TMEM39B: variants seen among roughly 807,000 people sequenced by gnomAD.
The protein encoded by TMEM39B is transmembrane protein 39B.
Under a neutral mutation model 52.2 loss-of-function variants are expected in TMEM39B, and 23 were observed. That is an observed-to-expected ratio of 0.44 (90% CI 0.32 to 0.62). The LOEUF is 0.62. TMEM39B is among the 20% of genes least tolerant of loss of function. TMEM39B has a pLI of 0.06. For synonymous variants in TMEM39B, 285 were observed against 264.0 expected (o/e 1.08, Z -0.77); for missense variants, 547 against 642.0 (o/e 0.85, Z 1.60).
intron 6 of TMEM39B, among the ~76,000 whole-genome samples, chr1:32,093,034 C>G (rs1188663965): frequency 1.3e-5 from 2 of 152,214 alleles, no homozygotes; most frequent in Admixed American, 6.5e-5. Context: ...CTCTCTTTGT[C>G]CTAACCTCTC....
intron 6 of TMEM39B, 148 bp from the exon 7 acceptor site, chr1:32,094,636 G>A: frequency 1.1e-6 from 1 of 895,540 alleles, no homozygotes; most frequent in Non-Finnish European, 1.7e-6. Flanking sequence ...CCTAAGCCTT[G>A]TTTGTTGGGT....
Position 32,102,669 on chromosome 1 carries a change from C to T in TMEM39B, c.1475C>T (p.Ser492Phe), listed in dbSNP as rs200464245. 54 of 1,566,626 alleles carry T rather than the reference C, an allele frequency of 3.4e-5. No homozygotes were observed. In the East Asian group the frequency reaches 1.0e-3, roughly 29 times the overall value. Reference sequence around the variant, plus strand: ...CAGAGAGACCTGGACCACCGTTTCTCCTGAGCCCTGGGGTCACCTCAGGGA... The same window carrying T: ...CAGAGAGACCTGGACCACCGTTTCTTCTGAGCCCTGGGGTCACCTCAGGGA... ...SPQRDLDHRF[S>F] The change falls in exon 9 of 9, where the codon TCC (serine) becomes TTC (phenylalanine). Residue 492 changes from serine to phenylalanine, a missense_variant. Ser to Phe is a radical substitution (Grantham distance 155). Coordinates refer to ENST00000336294, the MANE Select transcript of TMEM39B (RefSeq NM_018056.4).
intron 5 of TMEM39B, among the ~76,000 whole-genome samples, chr1:32,088,468 T>C (rs1159186196): frequency 1.3e-5 from 2 of 151,984 alleles, no homozygotes; most frequent in Non-Finnish European, 2.9e-5. Flanking sequence ...TGGAAAGCGA[T>C]GCTCTAGACC....
At chr1:32,074,900 C>T in intron 1 of TMEM39B, 51 bp from the exon 2 acceptor site, 1 of 1,513,616 alleles carries the variant, frequency 6.6e-7, no homozygotes, top group Non-Finnish European at 8.9e-7. Flanking sequence ...TGCTGTTATC[C>T]TTGATATATG....
intron 5 of TMEM39B, among the ~76,000 whole-genome samples, chr1:32,078,231 T>A (rs1639947073): frequency 1.3e-5 from 2 of 152,124 alleles, no homozygotes; most frequent in Non-Finnish European, 2.9e-5. Context: ...AAACCTGTAA[T>A]CCCAGCACTT....
rs1159995780 is a variant in TMEM39B at position 32,077,323 on chromosome 1, G to A, written c.590+5G>A. 10 of 1,614,034 alleles carry A rather than the reference G, an allele frequency of 6.2e-6. No homozygotes were observed. Among genetic ancestry groups the A allele is most frequent in the African/African-American group, 1.3e-5 (1 of 75,004 alleles). On this transcript the variant is annotated splice_donor_5th_base_variant and intron_variant, in intron 5 of 8. Transcript: ENST00000336294. ...CCTCCTGTTCCTCTGCTATCCGTGA[G>A]TACCCCTCACTTCACCCCTCACTGC...
At position 32,095,051 on chromosome 1, in the gene TMEM39B, C is replaced by T. The variant is rs1640763165; in HGVS notation, c.1115+80C>T. The T allele has an allele frequency of 3.2e-5, 47 of 1,479,986 alleles. No individual in the cohort carries two copies. The South Asian group carries it at 5.4e-4, about 17-fold the overall frequency. 91.7% of individuals were successfully genotyped at this position (1,479,986 alleles called of 1,614,324 possible). On this transcript the variant is annotated intron_variant, in intron 7 of 8. Transcript: ENST00000336294. ...AGTCACTTGTCCACTCGCTGATTAA[C>T]TTATTTAGTTAGCAAATAGTTATTG... is the stretch of plus-strand genomic sequence containing the variant.
At chr1:32,072,712 C>G (rs1201977105), upstream of TMEM39B, among the ~76,000 whole-genome samples, 1 of 152,230 alleles carries the variant, frequency 6.6e-6, no homozygotes, top group Non-Finnish European at 1.5e-5. Flanking sequence ...GCCGCCGCCC[C>G]GGTCCAGGAG....
At chr1:32,073,267 G>A in intron 1 of TMEM39B, 2 of 590,312 alleles carry the variant, frequency 3.4e-6, no homozygotes, top group Non-Finnish European at 5.3e-6. Context: ...CTTCTAAGAC[G>A]AAGCCCTGTG....
chr1:32,077,442 C>T, intron 5 of TMEM39B, 124 bp downstream of exon 5: 2 of 1,231,516 alleles, frequency 1.6e-6, no homozygotes, highest in South Asian at 2.9e-5. Context: ...CATCCTCTCA[C>T]ATTGTCAGAT....
intron 7 of TMEM39B, among the ~76,000 whole-genome samples, chr1:32,096,293 C>G (rs1484053874): frequency 6.6e-6 from 1 of 152,062 alleles, no homozygotes; most frequent in African/African-American, 2.4e-5. Flanking sequence ...TGCCCCTCCC[C>G]TATAAGGGGC....
intron 5 of TMEM39B, among the ~76,000 whole-genome samples, chr1:32,089,377 C>T (rs919939817): frequency 1.3e-5 from 2 of 151,976 alleles, no homozygotes; most frequent in East Asian, 3.9e-4. Context: ...AGCAGTTTCT[C>T]TACCTCTGCC....
At chr1:32,093,737 C>A (rs1039262050) in intron 6 of TMEM39B, among the ~76,000 whole-genome samples, 2 of 150,536 alleles carry the variant, frequency 1.3e-5, no homozygotes, top group Non-Finnish European at 3.0e-5. Flanking sequence ...GCACCTGTAA[C>A]ACGCCTGGAG....
chr1:32,084,030 A>G (rs766503690), intron 5 of TMEM39B, among the ~76,000 whole-genome samples: 32 of 146,034 alleles, frequency 2.2e-4, no homozygotes, highest in Admixed American at 1.2e-3. Context: ...CCTAGTGTCA[A>G]GGTGAAATGA....
At chr1:32,080,859 T>C (rs1208668389) in intron 5 of TMEM39B, among the ~76,000 whole-genome samples, 2 of 151,816 alleles carry the variant, frequency 1.3e-5, no homozygotes, top group Non-Finnish European at 2.9e-5. Flanking sequence ...CCAATAGTGC[T>C]GAAAAGCTTA....
upstream of TMEM39B, chr1:32,072,931 G>A: frequency 1.5e-6 from 2 of 1,352,220 alleles, no homozygotes; most frequent in African/African-American, 3.0e-5. Context: ...CGGCGGGAGC[G>A]CGCGGCTGAT....
rs749215809 is a variant in TMEM39B at position 32,077,283 on chromosome 1, C to G, written c.555C>G (p.Thr185=). 6.2e-7 allele frequency: 1 copy of G among 1,614,172 alleles called. No homozygotes were observed. The highest frequency in any genetic ancestry group is 8.5e-7 in the Non-Finnish European group (1 of 1,180,034). ...LCRSLIHLFR[T]YSFLNLLFLC... ...GATCCCTCATCCACCTCTTCAGGAC[C>G]TACTCCTTCCTGAACCTCCTGTTCC... The change falls in exon 5 of 9, where the codon ACC becomes ACG. Residue 185 remains threonine, a synonymous_variant. Transcript: ENST00000336294.
At chr1:32,083,244 C>G (rs1640190094) in intron 5 of TMEM39B, among the ~76,000 whole-genome samples, 2 of 150,312 alleles carry the variant, frequency 1.3e-5, no homozygotes, top group Non-Finnish European at 3.0e-5. Context: ...CCACCATGCC[C>G]AGCTAATTTT....
intron 8 of TMEM39B, among the ~76,000 whole-genome samples, chr1:32,101,104 A>G (rs891583739): frequency 6.6e-6 from 1 of 152,212 alleles, no homozygotes; most frequent in Non-Finnish European, 1.5e-5. Context: ...GGGAGAGAAG[A>G]TGATACAGTA....
Sources: allele counts gnomAD v4.1 joint callset (sites outside exome capture counted in the v4.1 genomes callset), GRCh38; gene constraint gnomAD v4.1.1; transcripts MANE v1.5; gene names NCBI Gene and HGNC (gene_info 2026-07-23, HGNC 2026-07-21).